The following LAMB3 variants were observed in gnomAD, a reference collection of about 807,000 sequenced individuals.
The protein encoded by LAMB3 is laminin subunit beta 3.
A neutral mutation model predicts 140.3 loss-of-function variants in LAMB3; 104 were observed. The observed-to-expected ratio is 0.74, with a 90% CI of 0.63 to 0.87. LAMB3 has a LOEUF of 0.87. Ranked by LOEUF, LAMB3 falls within the 40% of genes least tolerant of loss-of-function variation. The pLI, the probability that LAMB3 is intolerant of heterozygous loss-of-function variation, is 0.00. For synonymous variants in LAMB3, 592 were observed against 602.9 expected (o/e 0.98, Z 0.26); for missense variants, 1,531 against 1,575.2 (o/e 0.97, Z 0.47).
chr1:209,621,753 T>C (rs1280937842), intron 18 of LAMB3, among the ~76,000 whole-genome samples: 2 of 152,160 alleles, frequency 1.3e-5, no homozygotes, highest in African/African-American at 4.8e-5. Flanking sequence ...GATCTTTCCA[T>C]TGTACAGCCC....
rs1666283461 is a variant in LAMB3, at chr1:209,623,408, G to A, written c.2358+97C>T. 1 of 1,261,664 alleles carries A rather than the reference G, an allele frequency of 7.9e-7. No individual in the cohort carries two copies. The highest frequency in any genetic ancestry group is 1.5e-5 in the African/African-American group (1 of 68,298). 78.2% of individuals were successfully genotyped at this position (1,261,664 alleles called of 1,614,324 possible). On this transcript the variant is annotated intron_variant, in intron 16 of 22. Coordinates refer to ENST00000356082, the MANE Select transcript of LAMB3 (RefSeq NM_000228.3). The surrounding 1 kb of genome is among the most constrained non-coding windows in gnomAD (Gnocchi z 4.2). ...GGCTGGGGGAGTGGGGTTCTCACAG[G>A]GGCAGATCTGCCCTAATAGGAAGCA...
At chr1:209,638,359 A>G (rs901593183) in intron 4 of LAMB3, among the ~76,000 whole-genome samples, 175 bp downstream of exon 4, 2 of 152,116 alleles carry the variant, frequency 1.3e-5, no homozygotes, top group African/African-American at 4.8e-5. Context: ...AAATTCTTCT[A>G]CCATAACATC....
intron 18 of LAMB3, 148 bp from the exon 19 acceptor site, chr1:209,618,807 G>A: frequency 1.4e-6 from 1 of 728,510 alleles, no homozygotes. Flanking sequence ...CTTTCAACCA[G>A]ACTCAGGCGC....
At chr1:209,617,282 A>G in intron 21 of LAMB3, 128 bp downstream of exon 21, 1 of 1,094,258 alleles carries the variant, frequency 9.1e-7, no homozygotes, top group Non-Finnish European at 1.4e-6. Flanking sequence ...TTGACTCTCA[A>G]GCCTCTTCTG....
intron 11 of LAMB3, 34 bp from the exon 12 acceptor site, chr1:209,627,613 G>T: frequency 6.2e-7 from 1 of 1,605,582 alleles, no homozygotes; most frequent in Non-Finnish European, 8.5e-7. Context: ...TCAGGCAGAC[G>T]CTCCATGAAA....
At chr1:209,638,974 A>G (rs1251903922) in intron 3 of LAMB3, among the ~76,000 whole-genome samples, 2 of 114,144 alleles carry the variant, frequency 1.8e-5, no homozygotes, top group African/African-American at 8.4e-5. Context: ...AGTGCCGAGA[A>G]AAAAAAAAGG....
intron 3 of LAMB3, among the ~76,000 whole-genome samples, chr1:209,644,728 C>G (rs1229694036): frequency 6.6e-6 from 1 of 152,168 alleles, no homozygotes; most frequent in Non-Finnish European, 1.5e-5. Flanking sequence ...CTTCATTCCA[C>G]CCCACTGGAA....
chr1:209,632,202 T>C (rs1020258883), intron 8 of LAMB3, among the ~76,000 whole-genome samples: 2 of 152,180 alleles, frequency 1.3e-5, no homozygotes, highest in East Asian at 3.8e-4. Context: ...TGGCAGTACA[T>C]TCGAGTCACC....
At chr1:209,648,368 T>C (rs1350945835) in intron 3 of LAMB3, among the ~76,000 whole-genome samples, 1 of 152,172 alleles carries the variant, frequency 6.6e-6, no homozygotes, top group Non-Finnish European at 1.5e-5. Context: ...ACACACTACA[T>C]GAAAGATACT....
chr1:209,643,364 G>T (rs1381114467), intron 3 of LAMB3, among the ~76,000 whole-genome samples: 2 of 152,208 alleles, frequency 1.3e-5, no homozygotes, highest in African/African-American at 2.4e-5. Context: ...CCTCTCTGGG[G>T]TCATTTGGCT....
In LAMB3 at chr1:209,622,531, C is replaced by A; in HGVS notation, c.2701+5G>T. On this transcript the variant is annotated splice_donor_5th_base_variant and intron_variant, in intron 18 of 22. Transcript: ENST00000356082. ...CAGCCAAGGTGGGGTGGAGACTGGGCTCACCTGTTAGGAAGTCCCGGACCT... is the reference window on the plus strand; with the variant it reads ...CAGCCAAGGTGGGGTGGAGACTGGGATCACCTGTTAGGAAGTCCCGGACCT... 1.5e-5 allele frequency: 25 copies of A among 1,613,620 alleles called. No individual in the cohort carries two copies. Among genetic ancestry groups the A allele is most frequent in the Non-Finnish European group, 2.0e-5 (24 of 1,179,938 alleles).
At chr1:209,642,292 A>C (rs2076475807) in intron 3 of LAMB3, among the ~76,000 whole-genome samples, 1 of 152,110 alleles carries the variant, frequency 6.6e-6, no homozygotes, top group South Asian at 2.1e-4. Context: ...AAGGAATGTA[A>C]AGTATTTGGA....
chr1:209,632,458 G>T, intron 8 of LAMB3, 125 bp downstream of exon 8: 1 of 712,438 alleles, frequency 1.4e-6, no homozygotes, highest in Non-Finnish European at 2.4e-6. Context: ...TGTTGTTGCT[G>T]CTGAAGTATT....
intron 13 of LAMB3, 124 bp from the exon 14 acceptor site, chr1:209,626,150 C>T (rs1445790585): frequency 5.6e-6 from 6 of 1,072,332 alleles, no homozygotes; most frequent in East Asian, 2.6e-5. Context: ...TAACAGAAGT[C>T]GCAGCCAGAA....
Position 209,630,638 on chromosome 1 carries a change from C to A in LAMB3, c.920G>T (p.Gly307Val), listed in dbSNP as rs758243149. The A allele has an allele frequency of 6.2e-7, 1 of 1,614,156 alleles. No homozygotes were observed. The highest frequency in any genetic ancestry group is 1.1e-5 in the South Asian group (1 of 91,072). The change falls in exon 9 of 23, where the codon GGC becomes GTC. Residue 307 changes from glycine to valine, a missense_variant. By Grantham distance (109) the Gly-to-Val change is moderately radical (BLOSUM62 -3). Coordinates refer to ENST00000356082, the MANE Select transcript of LAMB3 (RefSeq NM_000228.3). ...YNNRPWRPAE[G>V]QDAHECQRCD... ...ACTTTGGCATTCATGGGCGTCCTGG[C>A]CCTCCGCCGGTCTCCAGGGCCGGTT...
intron 10 of LAMB3, 77 bp from the exon 11 acceptor site, chr1:209,628,267 C>T: frequency 6.6e-7 from 1 of 1,504,372 alleles, no homozygotes; most frequent in Non-Finnish European, 9.0e-7. Flanking sequence ...GCCAGGCTGC[C>T]TGGTTCAAAT....
In LAMB3 at chr1:209,615,006, C is replaced by G. The variant is rs1401702913; in HGVS notation, c.*265G>C. The G allele has an allele frequency of 2.1e-6, 1 of 480,264 alleles. No individual in the cohort carries two copies. Among genetic ancestry groups the G allele is most frequent in the East Asian group, 3.5e-5 (1 of 28,494 alleles). 29.8% of individuals were successfully genotyped at this position (480,264 alleles called of 1,614,324 possible). A position where few individuals can be genotyped will look rare whatever the true frequency, so the allele number is the denominator to read the frequency against. On this transcript the variant is annotated 3_prime_UTR_variant, in exon 23 of 23. Transcript: ENST00000356082. ...AGAACTAAAGGCGGGGGATACTGCCCAGCCCAGCTTCCTTGACTTGAGAGC... is the reference window on the plus strand; with the variant it reads ...AGAACTAAAGGCGGGGGATACTGCCGAGCCCAGCTTCCTTGACTTGAGAGC...
In LAMB3 at chr1:209,614,972, C is replaced by A; in HGVS notation, c.*299G>T. 2 of 380,134 alleles carry A rather than the reference C, an allele frequency of 5.3e-6. No homozygotes were observed. The highest frequency in any genetic ancestry group is 9.5e-6 in the Non-Finnish European group (2 of 209,896). 23.5% of individuals were successfully genotyped at this position (380,134 alleles called of 1,614,324 possible). A position where few individuals can be genotyped will look rare whatever the true frequency, so the allele number is the denominator to read the frequency against. ...TTTTTGTGCTTGGTCCAGGATTCCT[C>A]CCCAGTGGAGAACTAAAGGCGGGGG... On this transcript the variant is annotated 3_prime_UTR_variant, in exon 23 of 23. Transcript: ENST00000356082.
At position 209,628,362 on chromosome 1, in the gene LAMB3, T is replaced by C. The variant is rs2076353; in HGVS notation, c.1133-172A>G. On this transcript the variant is annotated intron_variant, in intron 10 of 22. Transcript: ENST00000356082. Reference sequence around the variant, plus strand: ...TGCCTCAATTTCCTTGTCTATAAAATAAAAATAATGATACAGCCTTCATAG... The same window carrying C: ...TGCCTCAATTTCCTTGTCTATAAAACAAAAATAATGATACAGCCTTCATAG... Among the ~76,000 whole-genome samples the C allele has an allele frequency of 0.13, 19,492 of 152,200 alleles. 1,331 individuals are homozygous for C. Among genetic ancestry groups the C allele is most frequent in the Middle Eastern group, 0.18 (53 of 294 alleles).
Sources: allele counts gnomAD v4.1 joint callset (sites outside exome capture counted in the v4.1 genomes callset), GRCh38; gene constraint gnomAD v4.1.1; non-coding constraint Gnocchi (gnomAD v3.1); transcripts MANE v1.5; gene names NCBI Gene and HGNC (gene_info 2026-07-23, HGNC 2026-07-21).